The following LRRC4C variants were observed in gnomAD, a reference collection of about 807,000 sequenced individuals.
The protein encoded by LRRC4C is leucine-rich repeat-containing protein 4C.
A neutral mutation model predicts 33.6 loss-of-function variants in LRRC4C; 5 were observed. The ratio of observed to expected loss-of-function variants is 0.15; its 90% CI spans 0.08 to 0.31. The LOEUF (loss-of-function observed/expected upper bound fraction) is 0.31. LRRC4C is among the 10% of genes least tolerant of loss of function. The pLI, the probability that LRRC4C is intolerant of heterozygous loss-of-function variation, is 1.00. For missense variants in LRRC4C, 560 were observed against 796.7 expected, an observed-to-expected ratio of 0.70 and a Z score of 3.58; for synonymous variants, 329 against 302.0, an observed-to-expected ratio of 1.09 and a Z score of -0.93.
intron 1 of LRRC4C, among the ~76,000 whole-genome samples, chr11:41,457,997 T>A (rs928378140): frequency 2.0e-5 from 3 of 152,140 alleles, no homozygotes; most frequent in Non-Finnish European, 4.4e-5. Context: ...CTCCTTTTTT[T>A]AAAAACAAAT....
chr11:40,841,840 AT>A (rs1332981397), intron 2 of LRRC4C, among the ~76,000 whole-genome samples: 1 of 152,194 alleles, frequency 6.6e-6, no homozygotes, highest in East Asian at 1.9e-4. Context: ...GGAAACACTG[AT>A]TTGGCCATGT....
At position 40,130,840 on chromosome 11, in the gene LRRC4C, G is replaced by A. The variant is rs1474946966; in HGVS notation, c.-43+9961C>T. 2.0e-5 allele frequency among the ~76,000 whole-genome samples: 3 copies of A among 152,080 alleles called. No homozygotes were observed. In the East Asian group the frequency reaches 5.8e-4, roughly 29 times the overall value. On this transcript the variant is annotated intron_variant, in intron 6 of 6. Transcript: ENST00000528697. ...CTCTACTTTTCCTCTTTGGGGACTTGCTCCTTCTTACTTTAGATTGAAATT... is the reference window on the plus strand; with the variant it reads ...CTCTACTTTTCCTCTTTGGGGACTTACTCCTTCTTACTTTAGATTGAAATT...
intron 3 of LRRC4C, among the ~76,000 whole-genome samples, chr11:40,358,107 C>T (rs776866770): frequency 3.3e-5 from 5 of 151,948 alleles, no homozygotes; most frequent in Middle Eastern, 3.4e-3. Flanking sequence ...TGTTTGAACC[C>T]GGGAGGCAGA....
intron 1 of LRRC4C, among the ~76,000 whole-genome samples, chr11:41,333,038 A>G (rs1951344045): frequency 6.6e-6 from 1 of 152,230 alleles, no homozygotes; most frequent in South Asian, 2.1e-4. Flanking sequence ...TAAAAAAACA[A>G]TGCAGATGTC....
intron 3 of LRRC4C, among the ~76,000 whole-genome samples, chr11:40,487,325 G>C (rs1418029881): frequency 1.3e-5 from 2 of 152,032 alleles, no homozygotes; most frequent in African/African-American, 4.8e-5. Flanking sequence ...TCAGACTCTT[G>C]TGGTTATACA....
In LRRC4C at chr11:40,685,743, A is replaced by C. The variant is rs183975286; in HGVS notation, c.-406-37465T>G. ...GAGAGAACTTGATCAGTACTGGCAG[A>C]ACAATTCTGTACACATAAGAGTTAA... On this transcript the variant is annotated intron_variant, in intron 2 of 6. Transcript: ENST00000528697. 4.4e-3 allele frequency among the ~76,000 whole-genome samples: 669 copies of C among 152,084 alleles called. 7 individuals carry two copies. Among genetic ancestry groups the C allele is most frequent in the African/African-American group, 0.016 (644 of 41,544 alleles).
intron 2 of LRRC4C, among the ~76,000 whole-genome samples, chr11:40,898,368 A>G (rs1024886591): frequency 1.3e-5 from 2 of 149,564 alleles, no homozygotes; most frequent in African/African-American, 4.9e-5. Context: ...AAAAAAAAAA[A>G]AAAAGAAAAA....
chr11:40,370,059 A>T (rs925436302), intron 3 of LRRC4C, among the ~76,000 whole-genome samples: 4 of 152,294 alleles, frequency 2.6e-5, no homozygotes, highest in Non-Finnish European at 5.9e-5. Flanking sequence ...GAATACTTAC[A>T]TCTGCAAGAG....
chr11:41,002,540 C>G (rs185521688), intron 1 of LRRC4C, among the ~76,000 whole-genome samples: 95 of 152,264 alleles, frequency 6.2e-4, no homozygotes, highest in Middle Eastern at 6.8e-3. Context: ...CCAACTTTAT[C>G]AAGAGCTTCT....
intron 3 of LRRC4C, among the ~76,000 whole-genome samples, chr11:40,590,789 C>T (rs1346206831): frequency 3.3e-5 from 5 of 152,042 alleles, no homozygotes; most frequent in African/African-American, 9.7e-5. Flanking sequence ...TTAGGCTGCT[C>T]GGGGGTCAGG....
intron 4 of LRRC4C, among the ~76,000 whole-genome samples, chr11:40,281,191 C>G (rs1473805613): frequency 6.6e-6 from 1 of 152,160 alleles, no homozygotes; most frequent in Non-Finnish European, 1.5e-5. Flanking sequence ...CAGTTCCATT[C>G]TTGCCTTCCT....
intron 3 of LRRC4C, among the ~76,000 whole-genome samples, chr11:40,331,744 A>G (rs1222795498): frequency 6.6e-6 from 1 of 152,188 alleles, no homozygotes; most frequent in Non-Finnish European, 1.5e-5. Flanking sequence ...CTTCTGGTTC[A>G]TGGACCTTCA....
At chr11:41,136,528 G>A (rs1303623882) in intron 1 of LRRC4C, among the ~76,000 whole-genome samples, 1 of 152,166 alleles carries the variant, frequency 6.6e-6, no homozygotes, top group African/African-American at 2.4e-5. Flanking sequence ...ATTGAAAGAT[G>A]TTAAGTTGGG....
chr11:40,376,932 A>T (rs773751389), intron 3 of LRRC4C, among the ~76,000 whole-genome samples: 1 of 152,178 alleles, frequency 6.6e-6, no homozygotes, highest in Non-Finnish European at 1.5e-5. Flanking sequence ...TCCAACTCAT[A>T]TATCATGTTG....
chr11:40,868,517 A>G (rs1217775634), intron 2 of LRRC4C, among the ~76,000 whole-genome samples: 1 of 152,038 alleles, frequency 6.6e-6, no homozygotes, highest in Non-Finnish European at 1.5e-5. Flanking sequence ...TAAACTTTGG[A>G]AGATTTATCT....
intron 1 of LRRC4C, among the ~76,000 whole-genome samples, chr11:41,391,458 G>A (rs745575639): frequency 6.6e-6 from 1 of 151,764 alleles, no homozygotes; most frequent in Non-Finnish European, 1.5e-5. Flanking sequence ...TGGGAATACA[G>A]GAAAAAAAAT....
Position 41,448,122 on chromosome 11 carries a change from G to GGTTTTTTTT in LRRC4C, c.-496+11308_-496+11309insAAAAAAAAC, listed in dbSNP as rs1554934483. On this transcript the variant is annotated intron_variant, in intron 1 of 6. Transcript: ENST00000528697. ...ACAAACGAGGCTGCTGCACACGTCT[G>GGTTTTTTTT]TTTTTTTTTTTTTTTTTTTTGGAGC... Among the ~76,000 whole-genome samples the GGTTTTTTTT allele has an allele frequency of 1.2e-3, 55 of 46,902 alleles. 1 individual carries two copies. Among genetic ancestry groups the GGTTTTTTTT allele is most frequent in the South Asian group, 2.0e-3 (3 of 1,486 alleles). The allele number at this position is 46,902 out of a possible 152,430, so 30.8% of individuals were successfully genotyped here.
intron 3 of LRRC4C, among the ~76,000 whole-genome samples, chr11:40,474,130 T>A (rs1484018606): frequency 6.6e-6 from 1 of 152,008 alleles, no homozygotes; most frequent in Non-Finnish European, 1.5e-5. Context: ...AACCAAGAAG[T>A]GCCCATATAG....
chr11:41,368,286 A>T (rs1013140515), intron 1 of LRRC4C, among the ~76,000 whole-genome samples: 2 of 152,296 alleles, frequency 1.3e-5, no homozygotes, highest in African/African-American at 4.8e-5. Flanking sequence ...TATCCTGAGC[A>T]ATCAGTGTCC....
Sources: gnomAD v4.1 joint callset for allele counts (sites outside exome capture counted in the v4.1 genomes callset) on GRCh38, gnomAD v4.1.1 for gene constraint, MANE v1.5 for transcripts, NCBI Gene and HGNC (gene_info 2026-07-23, HGNC 2026-07-21) for gene names.